The following METTL2B variants were observed in gnomAD, a reference collection of about 807,000 sequenced individuals.
The protein encoded by METTL2B is methyltransferase 2B, tRNA N3-cytidine, also known as tRNA N(3)-cytidine methyltransferase METTL2B.
In METTL2B, 28 loss-of-function variants were observed where a neutral mutation model predicts 51.0. The ratio of observed to expected loss-of-function variants is 0.55; its 90% confidence interval spans 0.41 to 0.75. METTL2B has a LOEUF of 0.75. Ranked by LOEUF, METTL2B falls within the 30% of genes least tolerant of loss-of-function variation. The probability of loss-of-function intolerance (pLI) is 0.00; values close to 1 mark genes in which losing one functional copy is unlikely to be tolerated. For missense variants in METTL2B, 313 were observed against 460.7 expected (o/e 0.68, Z 2.93); for synonymous variants, 128 against 166.3 (o/e 0.77, Z 1.77).
rs1793043054 is a variant in METTL2B, at chr7:128,502,223, A to G, written c.*307A>G. 3.0e-6 allele frequency: 1 copy of G among 332,904 alleles called. No individual in the cohort carries two copies. The highest frequency in any genetic ancestry group is 5.4e-6 in the Non-Finnish European group (1 of 184,264). 20.6% of individuals were successfully genotyped at this position (332,904 alleles called of 1,614,324 possible). ...ATCAGGATTCTAACAATTATGCTTC[A>G]TATTTGTGAAGTCCTTTAAAACATA... On this transcript the variant is annotated 3_prime_UTR_variant, in exon 9 of 9. Coordinates refer to ENST00000262432, the MANE Select transcript of METTL2B (RefSeq NM_018396.3).
chr7:128,485,944 T>C (rs1033721113), intron 4 of METTL2B, among the ~76,000 whole-genome samples: 3 of 152,188 alleles, frequency 2.0e-5, no homozygotes, highest in African/African-American at 7.2e-5. Context: ...GACACCATTG[T>C]GTAAGAGACT....
chr7:128,500,634 T>C (rs117909552), intron 7 of METTL2B, among the ~76,000 whole-genome samples: 5,221 of 140,106 alleles, frequency 0.037, 224 homozygotes, highest in East Asian at 0.23. Context: ...AAAAAATAAA[T>C]AAATAAAAAG....
At chr7:128,499,843 A>C (rs1466033282) in intron 7 of METTL2B, among the ~76,000 whole-genome samples, 3 of 152,130 alleles carry the variant, frequency 2.0e-5, no homozygotes, top group Non-Finnish European at 4.4e-5. Flanking sequence ...TTAAGTACCC[A>C]ATTATTGTTC....
rs777621420 is a variant in METTL2B at position 128,488,193 on chromosome 7, T to G, written c.669+32T>G. The G allele has an allele frequency of 2.2e-5, 36 of 1,607,744 alleles. No individual in the cohort carries two copies. The Admixed American group carries it at 4.7e-4, about 21-fold the overall frequency. On this transcript the variant is annotated intron_variant, in intron 5 of 8. Coordinates refer to ENST00000262432, the MANE Select transcript of METTL2B (RefSeq NM_018396.3). ...ACGATGGGAAATTACCTATTGGTAA[T>G]TTCCACTGATTAAAGGGAAAAGGTT...
intron 6 of METTL2B, among the ~76,000 whole-genome samples, chr7:128,494,427 A>C (rs184671144): frequency 2.3e-4 from 35 of 152,298 alleles, no homozygotes; most frequent in African/African-American, 7.7e-4. Context: ...TTGATGTCCA[A>C]CTTCTGTTCT....
rs750889910 is a variant in METTL2B at position 128,477,012 on chromosome 7, C to T, written c.111-70C>T. The stretch of plus-strand genomic sequence containing the variant: ...GCACTCTCCAAGGGGAGAGAAACTC[C>T]TAGGCCAGCGACTCACCCTGCTCGC... On this transcript the variant is annotated intron_variant, in intron 1 of 8. Coordinates refer to ENST00000262432, the MANE Select transcript of METTL2B (RefSeq NM_018396.3). The T allele has an allele frequency of 5.9e-5, 90 of 1,514,388 alleles. No individual in the cohort carries two copies. The Admixed American group carries it at 1.6e-3, about 27-fold the overall frequency. 93.8% of individuals were successfully genotyped at this position (1,514,388 alleles called of 1,614,324 possible). A position where few individuals can be genotyped will look rare whatever the true frequency, so the allele number is the denominator to read the frequency against.
chr7:128,496,090 G>A (rs186500431), intron 6 of METTL2B, among the ~76,000 whole-genome samples: 73 of 152,294 alleles, frequency 4.8e-4, no homozygotes, highest in African/African-American at 1.7e-3. Context: ...AGGACCCCTT[G>A]CTGGCTGCAC....
At position 128,505,916 on chromosome 7, in the gene METTL2B, A is replaced by C. The variant is rs1162543056; in HGVS notation, c.*4000A>C. ...CTGCTTACTGCTTACTGCAGCCTCG[A>C]CCTCCCATGCTCAAGTGATTCTCCC... On this transcript the variant is annotated 3_prime_UTR_variant, in exon 9 of 9. Coordinates refer to ENST00000262432, the MANE Select transcript of METTL2B (RefSeq NM_018396.3). The C allele has an allele frequency of 6.6e-6, 1 of 152,100 alleles. No homozygotes were observed. The highest frequency in any genetic ancestry group is 1.5e-5 in the Non-Finnish European group (1 of 68,034). 9.4% of individuals were successfully genotyped at this position (152,100 alleles called of 1,614,324 possible).
intron 8 of METTL2B, 95 bp from the exon 9 acceptor site, chr7:128,501,667 C>T (rs1019385953): frequency 5.2e-6 from 8 of 1,533,046 alleles, no homozygotes; most frequent in Non-Finnish European, 7.0e-6. Flanking sequence ...AACACGACAG[C>T]AACTTCCCAG....
rs1358633989 is a variant in METTL2B at position 128,503,440 on chromosome 7, T to TA, written c.*1524_*1525insA. 6.6e-6 allele frequency: 1 copy of TA among 150,842 alleles called. No individual in the cohort carries two copies. The highest frequency in any genetic ancestry group is 1.5e-5 in the Non-Finnish European group (1 of 67,682). The allele number at this position is 150,842 out of a possible 1,614,324, so 9.3% of individuals were successfully genotyped here. ...CACTGTCAGTGTTAGATGCTTTTTT[T>TA]TTTTTTTTTTAGGAGACAGGGCTCT... is the stretch of plus-strand genomic sequence containing the variant. On this transcript the variant is annotated 3_prime_UTR_variant, in exon 9 of 9. Transcript: ENST00000262432.
chr7:128,501,277 C>A (rs931317646), intron 8 of METTL2B: 28 of 985,346 alleles, frequency 2.8e-5, no homozygotes, highest in Non-Finnish European at 2.9e-5. Context: ...TCACCCTCTA[C>A]ACGGGGTTGT....
chr7:128,479,575 A>G, intron 3 of METTL2B, 62 bp downstream of exon 3: 1 of 1,538,178 alleles, frequency 6.5e-7, no homozygotes, highest in Non-Finnish European at 8.8e-7. Flanking sequence ...CACATGAGGT[A>G]GCATAGAGAG....
rs1584788591 is a variant in METTL2B at position 128,479,660 on chromosome 7, A to G, written c.558+147A>G. On this transcript the variant is annotated intron_variant, in intron 3 of 8. Coordinates refer to ENST00000262432, the MANE Select transcript of METTL2B (RefSeq NM_018396.3). ...CTTATATTAGCCTGGAATCACCTCC[A>G]TTTTTGAACTGATAAAATGCCCTCA... 14 of 834,784 alleles carry G rather than the reference A, an allele frequency of 1.7e-5. No homozygotes were observed. In the East Asian group the frequency reaches 3.5e-4, roughly 21 times the overall value. The allele number at this position is 834,784 out of a possible 1,614,324, so 51.7% of individuals were successfully genotyped here.
At position 128,492,134 on chromosome 7, in the gene METTL2B, G is replaced by A. The variant is rs559773589; in HGVS notation, c.670-1670G>A. Among the ~76,000 whole-genome samples the A allele has an allele frequency of 2.3e-3, 355 of 151,694 alleles. 1 individual carries two copies. The highest frequency in any genetic ancestry group is 8.0e-3 in the African/African-American group (333 of 41,422). On this transcript the variant is annotated intron_variant, in intron 5 of 8. Transcript: ENST00000262432. Reference sequence around the variant, plus strand: ...CCACCTCCTGTGTAACTGGGACTACGGGCACATGCCACCACACCTGGCTAA... The same window carrying A: ...CCACCTCCTGTGTAACTGGGACTACAGGCACATGCCACCACACCTGGCTAA...
At chr7:128,478,788 C>G (rs1313952001) in intron 2 of METTL2B, among the ~76,000 whole-genome samples, 1 of 151,836 alleles carries the variant, frequency 6.6e-6, no homozygotes, top group Non-Finnish European at 1.5e-5. Flanking sequence ...GGCATGAACC[C>G]GGGAGGTGGA....
intron 1 of METTL2B, 28 bp from the exon 2 acceptor site, chr7:128,477,054 C>A: frequency 3.7e-6 from 6 of 1,614,130 alleles, no homozygotes; most frequent in East Asian, 2.2e-5. Context: ...GACGTGAAGC[C>A]CCTAAGCTGC....
chr7:128,497,457 A>T (rs1247238143), intron 6 of METTL2B, among the ~76,000 whole-genome samples: 1 of 152,138 alleles, frequency 6.6e-6, no homozygotes, highest in African/African-American at 2.4e-5. Flanking sequence ...AGTGATCCAG[A>T]TGGAGAGCAG....
intron 5 of METTL2B, 120 bp from the exon 6 acceptor site, chr7:128,493,684 A>G (rs1792874978): frequency 1.4e-6 from 2 of 1,413,956 alleles, no homozygotes; most frequent in Non-Finnish European, 1.9e-6. Context: ...AAAAGAAAAA[A>G]GAAATAGATC....
At chr7:128,481,644 G>A (rs1233725859) in intron 4 of METTL2B, among the ~76,000 whole-genome samples, 2 of 152,088 alleles carry the variant, frequency 1.3e-5, no homozygotes, top group Non-Finnish European at 2.9e-5. Flanking sequence ...GCTCATCAAG[G>A]GTTTTTTTTT....
Sources: gnomAD v4.1 joint callset for allele counts (sites outside exome capture counted in the v4.1 genomes callset) on GRCh38, gnomAD v4.1.1 for gene constraint, MANE v1.5 for transcripts, NCBI Gene and HGNC (gene_info 2026-07-23, HGNC 2026-07-21) for gene names.